Variants in PCBP3 observed in about 807,000 individuals in gnomAD.
PCBP3 encodes the protein poly(rC) binding protein 3, also known as poly(rC)-binding protein 3.
Under a neutral mutation model 52.7 loss-of-function variants are expected in PCBP3, and 25 were observed. That is an observed-to-expected ratio of 0.47 (90% confidence interval 0.35 to 0.66). The LOEUF is 0.66. Among genes scored for constraint, PCBP3 ranks in the 30% least tolerant of loss-of-function variants. The pLI, the probability that PCBP3 is intolerant of heterozygous loss-of-function variation, is 0.01. For missense variants in PCBP3, 391 were observed against 490.3 expected, an observed-to-expected ratio of 0.80 and a Z score of 1.91; for synonymous variants, 162 against 183.0, an observed-to-expected ratio of 0.89 and a Z score of 0.93.
chr21:45,896,229 C>A lies in PCBP3; in HGVS notation c.32C>A (p.Ser11Tyr), dbSNP rs1444810614. Residue 11 changes from serine to tyrosine, a missense_variant, in exon 6 of 18, where the codon TCT becomes TAT. Ser to Tyr is a moderately radical substitution (Grantham distance 144). Coordinates refer to ENST00000681687, the MANE Select transcript of PCBP3 (RefSeq NM_001384156.1). Reference sequence around the variant, plus strand: ...CCAGGTGACGCCTTCTGGGCCCCATCTGTCCTTCCTCACAGCACCCTCAGC... The same window carrying A: ...CCAGGTGACGCCTTCTGGGCCCCATATGTCCTTCCTCACAGCACCCTCAGC... MGEGDAFWAP[S>Y]VLPHSTLSTL... 3.5e-5 allele frequency: 54 copies of A among 1,552,048 alleles called. No homozygotes were observed. The East Asian group carries it at 1.3e-3, about 37-fold the overall frequency.
At chr21:45,783,144 C>T (rs1185685919) in intron 4 of PCBP3, among the ~76,000 whole-genome samples, 2 of 152,194 alleles carry the variant, frequency 1.3e-5, no homozygotes, top group Admixed American at 6.5e-5. Flanking sequence ...GCTAAATAAA[C>T]TATATGGAGT....
intron 4 of PCBP3, among the ~76,000 whole-genome samples, chr21:45,815,517 GTGAGTGA>G (rs1225257300): frequency 5.4e-5 from 5 of 92,122 alleles, no homozygotes; most frequent in Non-Finnish European, 9.0e-5. Context: ...TGAGTGAGTG[GTGAGTGA>G]TGAGTGAGTG....
At chr21:45,722,209 A>G (rs2084698731) in intron 2 of PCBP3, among the ~76,000 whole-genome samples, 1 of 152,228 alleles carries the variant, frequency 6.6e-6, no homozygotes, top group Admixed American at 6.5e-5. Flanking sequence ...GACATGAAAA[A>G]AATGTACCCA....
chr21:45,646,572 G>A lies in PCBP3; in HGVS notation c.-279+2704G>A, dbSNP rs1034633484. 2.0e-5 allele frequency among the ~76,000 whole-genome samples: 3 copies of A among 152,284 alleles called. No homozygotes were observed. In the East Asian group the frequency reaches 5.8e-4, roughly 29 times the overall value. ...AGAAGTCTAAGGTCCGGGGGCCAAA[G>A]CCACCAGCTCCACTCCCATGACAAC... On this transcript the variant is annotated intron_variant, in intron 1 of 17. Transcript: ENST00000681687.
Position 45,917,567 on chromosome 21 carries a change from G to T in PCBP3, c.676-21G>T. ...TGGTGCAGCCAGGTTGCAGTCTGAC[G>T]GGGTCTCTCTCTCTCTCTAGGCCTA... On this transcript the variant is annotated intron_variant, in intron 12 of 17. Coordinates refer to ENST00000681687, the MANE Select transcript of PCBP3 (RefSeq NM_001384156.1). The surrounding 1 kb of genome is among the most constrained non-coding windows in gnomAD (Gnocchi z 5.3). The T allele has an allele frequency of 2.5e-6, 4 of 1,604,848 alleles. No homozygotes were observed. The highest frequency in any genetic ancestry group is 3.4e-6 in the Non-Finnish European group (4 of 1,172,344).
At chr21:45,939,527 C>T (rs1458418104) in intron 16 of PCBP3, among the ~76,000 whole-genome samples, 1 of 152,262 alleles carries the variant, frequency 6.6e-6, no homozygotes, top group Non-Finnish European at 1.5e-5. Flanking sequence ...AAGTTTTAGG[C>T]AGCAGTGAGC....
At chr21:45,879,683 C>G (rs2095354139) in intron 5 of PCBP3, among the ~76,000 whole-genome samples, 1 of 145,690 alleles carries the variant, frequency 6.9e-6, no homozygotes, top group African/African-American at 2.4e-5. Context: ...TTTCCAAATA[C>G]TTGAAAATCA....
chr21:45,906,582 G>C (rs149209094), intron 9 of PCBP3, among the ~76,000 whole-genome samples: 2 of 152,130 alleles, frequency 1.3e-5, no homozygotes, highest in Non-Finnish European at 2.9e-5. Flanking sequence ...GCTCTGCCCC[G>C]GTCATTTTGC....
At chr21:45,688,928 G>A (rs2082308756) in intron 2 of PCBP3, among the ~76,000 whole-genome samples, 1 of 150,740 alleles carries the variant, frequency 6.6e-6, no homozygotes, top group Non-Finnish European at 1.5e-5. Flanking sequence ...AATCTGAAAA[G>A]CTTTAAAAAT....
chr21:45,898,676 TCCCTCC>T, intron 6 of PCBP3, among the ~76,000 whole-genome samples: 2 of 60,902 alleles, frequency 3.3e-5, no homozygotes, highest in African/African-American at 1.9e-4. Flanking sequence ...AGCCTCCCTC[TCCCTCC>T]ACGGGCCCCT....
intron 4 of PCBP3, among the ~76,000 whole-genome samples, chr21:45,847,520 CAG>C (rs1024905558): frequency 5.5e-4 from 83 of 152,180 alleles, no homozygotes; most frequent in Admixed American, 5.4e-3. Flanking sequence ...CCTGGAAACA[CAG>C]TGTTCATTGA....
rs532177845 is a variant in PCBP3 at position 45,936,810 on chromosome 21, T to C, written c.909+1505T>C. ...TTGGAGAGTTGGTCAACCTGTTTCCTGGGGTCTCCTTTGTACAGATGGATG... is the reference window on the plus strand; with the variant it reads ...TTGGAGAGTTGGTCAACCTGTTTCCCGGGGTCTCCTTTGTACAGATGGATG... On this transcript the variant is annotated intron_variant, in intron 16 of 17. Coordinates refer to ENST00000681687, the MANE Select transcript of PCBP3 (RefSeq NM_001384156.1). Among the ~76,000 whole-genome samples the C allele has an allele frequency of 3.4e-4, 52 of 152,326 alleles. No homozygotes were observed. The South Asian group carries it at 3.9e-3, about 12-fold the overall frequency.
chr21:45,931,810 AAT>A (rs2076224151), intron 15 of PCBP3, among the ~76,000 whole-genome samples: 5 of 150,686 alleles, frequency 3.3e-5, no homozygotes, highest in African/African-American at 9.8e-5. Context: ...TCCTGAGATG[AAT>A]GAACACCTGG....
At chr21:45,794,787 G>A (rs2091831406) in intron 4 of PCBP3, among the ~76,000 whole-genome samples, 1 of 152,142 alleles carries the variant, frequency 6.6e-6, no homozygotes, top group South Asian at 2.1e-4. Context: ...GAATGAGCCG[G>A]GCGTGGTGGC....
chr21:45,823,431 G>T (rs913634424), intron 4 of PCBP3, among the ~76,000 whole-genome samples: 2 of 152,194 alleles, frequency 1.3e-5, no homozygotes, highest in Non-Finnish European at 2.9e-5. Flanking sequence ...GGAAAGTGCA[G>T]CCATTTAACC....
At chr21:45,688,686 A>T (rs539369925) in intron 2 of PCBP3, among the ~76,000 whole-genome samples, 7 of 152,240 alleles carry the variant, frequency 4.6e-5, no homozygotes, top group Non-Finnish European at 8.8e-5. Context: ...ATTGTACTTG[A>T]AAAAGGCAAT....
chr21:45,832,246 G>A (rs537383084), intron 4 of PCBP3, among the ~76,000 whole-genome samples: 1 of 152,304 alleles, frequency 6.6e-6, no homozygotes, highest in African/African-American at 2.4e-5. Context: ...TGGTGCTGGT[G>A]AGAGTGTAGC....
chr21:45,823,655 G>A lies in PCBP3; in HGVS notation c.-125-26306G>A, dbSNP rs147637703. On this transcript the variant is annotated intron_variant, in intron 4 of 17. Coordinates refer to ENST00000681687, the MANE Select transcript of PCBP3 (RefSeq NM_001384156.1). ...CTGCAGGGCAGCTGTGGCAATTCAGGGCCCATGGGCCTGGGTTCAGGGATG... is the reference window on the plus strand; with the variant it reads ...CTGCAGGGCAGCTGTGGCAATTCAGAGCCCATGGGCCTGGGTTCAGGGATG... 1.5e-3 allele frequency among the ~76,000 whole-genome samples: 230 copies of A among 152,224 alleles called. 2 individuals are homozygous for A. Among genetic ancestry groups the A allele is most frequent in the African/African-American group, 5.1e-3 (212 of 41,544 alleles).
chr21:45,783,493 T>C (rs2090802692), intron 4 of PCBP3, among the ~76,000 whole-genome samples: 1 of 152,154 alleles, frequency 6.6e-6, no homozygotes, highest in Non-Finnish European at 1.5e-5. Context: ...TTGAAAGAGC[T>C]CCTGGAGATA....
Sources: gnomAD v4.1 joint callset for allele counts (sites outside exome capture counted in the v4.1 genomes callset) on GRCh38, gnomAD v4.1.1 for gene constraint, Gnocchi (gnomAD v3.1) non-coding constraint, MANE v1.5 for transcripts, NCBI Gene and HGNC (gene_info 2026-07-23, HGNC 2026-07-21) for gene names.